The following NRF1 variants were observed in gnomAD, a reference collection of about 807,000 sequenced individuals.
NRF1 encodes the protein nuclear respiratory factor 1, also known as alpha palindromic-binding protein.
NRF1 carries 5 observed loss-of-function variants against 58.5 expected under a neutral mutation model. That is an observed-to-expected ratio of 0.09 (90% confidence interval 0.04 to 0.18). NRF1 has a LOEUF of 0.18. Among genes scored for constraint, NRF1 ranks in the 10% least tolerant of loss-of-function variants. The probability of loss-of-function intolerance (pLI) is 1.00; values close to 1 mark genes in which losing one functional copy is unlikely to be tolerated. For synonymous variants in NRF1, 224 were observed against 246.7 expected, an observed-to-expected ratio of 0.91 and a Z score of 0.86; for missense variants, 288 against 657.7, an observed-to-expected ratio of 0.44 and a Z score of 6.15.
intron 10 of NRF1, chr7:129,744,178 T>C: frequency 6.5e-7 from 1 of 1,542,948 alleles, no homozygotes; most frequent in Non-Finnish European, 8.8e-7. Context: ...GTCAGGCCTC[T>C]TTATGGCAGA....
intron 4 of NRF1, among the ~76,000 whole-genome samples, chr7:129,689,952 A>G (rs1802526871): frequency 6.6e-6 from 1 of 152,238 alleles, no homozygotes; most frequent in South Asian, 2.1e-4. Context: ...GGAATGTAGC[A>G]GCAGTTTTGA....
At chr7:129,665,515 A>G (rs1222750830) in intron 2 of NRF1, among the ~76,000 whole-genome samples, 1 of 152,240 alleles carries the variant, frequency 6.6e-6, no homozygotes, top group Non-Finnish European at 1.5e-5. Context: ...CAAGAAAAAA[A>G]AGTTTATTTG....
At chr7:129,745,229 A>G (rs1489024954) in intron 10 of NRF1, among the ~76,000 whole-genome samples, 1 of 152,016 alleles carries the variant, frequency 6.6e-6, no homozygotes, top group African/African-American at 2.4e-5. Flanking sequence ...ACAGACTTCA[A>G]CCTGAGTGTT....
At chr7:129,753,548 C>T (rs953671516) in intron 10 of NRF1, among the ~76,000 whole-genome samples, 4 of 152,152 alleles carry the variant, frequency 2.6e-5, no homozygotes, top group South Asian at 2.1e-4. Flanking sequence ...ATTCTAGTTT[C>T]AGAAGGAAGA....
intron 9 of NRF1, among the ~76,000 whole-genome samples, chr7:129,717,762 G>A (rs1803226864): frequency 6.6e-6 from 1 of 152,158 alleles, no homozygotes; most frequent in Admixed American, 6.5e-5. Flanking sequence ...TCCAGCCCAA[G>A]CTGGTCAAGC....
At chr7:129,737,544 A>G (rs1383324343) in intron 10 of NRF1, among the ~76,000 whole-genome samples, 2 of 152,022 alleles carry the variant, frequency 1.3e-5, no homozygotes, top group East Asian at 3.9e-4. Flanking sequence ...AATCCTCCAC[A>G]TGTTAGACTG....
intron 4 of NRF1, among the ~76,000 whole-genome samples, chr7:129,683,279 CAT>C (rs1380855258): frequency 2.1e-5 from 3 of 144,052 alleles, no homozygotes; most frequent in Admixed American, 7.0e-5. Context: ...AAATTTCAAT[CAT>C]GTGGAGAGTG....
chr7:129,664,750 G>A (rs2151079867), intron 2 of NRF1, among the ~76,000 whole-genome samples: 1 of 152,334 alleles, frequency 6.6e-6, no homozygotes, highest in Non-Finnish European at 1.5e-5. Flanking sequence ...TGTGGAAAGT[G>A]AGACACAGCT....
chr7:129,692,990 G>T (rs960888906), intron 5 of NRF1, among the ~76,000 whole-genome samples: 3 of 152,108 alleles, frequency 2.0e-5, no homozygotes, highest in African/African-American at 7.2e-5. Context: ...TATAACACTT[G>T]TTACTACCTG....
Position 129,722,636 on chromosome 7 carries a change from G to A in NRF1, c.1224-4605G>A, listed in dbSNP as rs1465104072. The stretch of plus-strand genomic sequence containing the variant: ...GCATTCCAGATTGTTTTAGGTTGTT[G>A]CTGGTTTTCAGCTTTTCTTCTACCA... On this transcript the variant is annotated intron_variant, in intron 9 of 10. Coordinates refer to ENST00000393232, the MANE Select transcript of NRF1 (RefSeq NM_005011.5). Among the ~76,000 whole-genome samples the A allele has an allele frequency of 2.0e-5, 3 of 152,138 alleles. No homozygotes were observed. The East Asian group carries it at 5.8e-4, about 29-fold the overall frequency.
chr7:129,649,480 T>C (rs1801486212), intron 1 of NRF1, among the ~76,000 whole-genome samples: 1 of 152,228 alleles, frequency 6.6e-6, no homozygotes, highest in Non-Finnish European at 1.5e-5. Flanking sequence ...CTTTCTGCTT[T>C]GATTTTTAAA....
chr7:129,680,026 C>T (rs1005195510), intron 4 of NRF1, among the ~76,000 whole-genome samples: 2 of 152,080 alleles, frequency 1.3e-5, no homozygotes, highest in African/African-American at 4.8e-5. Flanking sequence ...TGCCACTGCA[C>T]TCCAGCCTGG....
In NRF1 at chr7:129,632,617, G is replaced by A. The variant is rs752395050; in HGVS notation, c.-7+20793G>A. 1.9e-3 allele frequency among the ~76,000 whole-genome samples: 289 copies of A among 150,204 alleles called. 1 individual carries two copies. The highest frequency in any genetic ancestry group is 1.5e-3 in the Non-Finnish European group (104 of 67,576). Reference sequence around the variant, plus strand: ...CCCTGCATTTTTACAAACTTTTTCTGTATATATATATGTATCCACTGAAAA... The same window carrying A: ...CCCTGCATTTTTACAAACTTTTTCTATATATATATATGTATCCACTGAAAA... On this transcript the variant is annotated intron_variant, in intron 1 of 10. Coordinates refer to ENST00000393232, the MANE Select transcript of NRF1 (RefSeq NM_005011.5).
chr7:129,702,944 G>A (rs771793811), intron 5 of NRF1, among the ~76,000 whole-genome samples: 7 of 152,120 alleles, frequency 4.6e-5, no homozygotes, highest in Non-Finnish European at 7.4e-5. Flanking sequence ...AAGAGGAGAG[G>A]GTATTTGGAG....
intron 10 of NRF1, among the ~76,000 whole-genome samples, chr7:129,745,001 A>G (rs1238169398): frequency 1.4e-5 from 2 of 144,618 alleles, no homozygotes; most frequent in Non-Finnish European, 3.1e-5. Flanking sequence ...AAAAAGTTTG[A>G]AGAAAAAAAA....
chr7:129,747,675 A>G (rs1265434827), intron 10 of NRF1, among the ~76,000 whole-genome samples: 5 of 152,268 alleles, frequency 3.3e-5, no homozygotes, highest in Non-Finnish European at 7.3e-5. Flanking sequence ...CTCACAAGCC[A>G]TTAAACAGCA....
rs1056077116 is a variant in NRF1 at position 129,719,181 on chromosome 7, G to A, written c.1223+1805G>A. ...GATTTTCACTCTTGTTGCCTAGGCT[G>A]AAGTACAATGGCATGTTCTCGGCTC... is the stretch of plus-strand genomic sequence containing the variant. On this transcript the variant is annotated intron_variant, in intron 9 of 10. Coordinates refer to ENST00000393232, the MANE Select transcript of NRF1 (RefSeq NM_005011.5). 4.6e-5 allele frequency among the ~76,000 whole-genome samples: 7 copies of A among 150,896 alleles called. No individual in the cohort carries two copies. The East Asian group carries it at 1.4e-3, about 29-fold the overall frequency.
chr7:129,657,338 G>A lies in NRF1; in HGVS notation c.-6-8G>A, dbSNP rs1230854667. The A allele has an allele frequency of 6.3e-6, 10 of 1,594,278 alleles. No individual in the cohort carries two copies. The highest frequency in any genetic ancestry group is 3.3e-4 in the Middle Eastern group (2 of 6,010). On this transcript the variant is annotated splice_region_variant and splice_polypyrimidine_tract_variant and intron_variant, in intron 1 of 10. Transcript: ENST00000393232. ...ATCCTGTTCTTTTTCTTTTTTGTCTGACAGTAGAACTTCATGGAGGAACAC... is the reference window on the plus strand; with the variant it reads ...ATCCTGTTCTTTTTCTTTTTTGTCTAACAGTAGAACTTCATGGAGGAACAC...
chr7:129,691,617 A>G (rs1238508343), intron 5 of NRF1, among the ~76,000 whole-genome samples: 2 of 152,046 alleles, frequency 1.3e-5, no homozygotes, highest in Non-Finnish European at 2.9e-5. Context: ...GGCCTCCCAA[A>G]GTGCTGGGAT....
Sources: allele counts gnomAD v4.1 joint callset (sites outside exome capture counted in the v4.1 genomes callset), GRCh38; gene constraint gnomAD v4.1.1; transcripts MANE v1.5; gene names NCBI Gene and HGNC (gene_info 2026-07-23, HGNC 2026-07-21).